CACNA1C: variants seen among roughly 807,000 people sequenced by gnomAD.
CACNA1C encodes calcium voltage-gated channel subunit alpha1 C, also known as voltage-dependent L-type calcium channel subunit alpha-1C.
Under a neutral mutation model 229.0 loss-of-function variants are expected in CACNA1C, and 30 were observed. The ratio of observed to expected loss-of-function variants is 0.13; its 90% CI spans 0.10 to 0.18. The LOEUF (loss-of-function observed/expected upper bound fraction) is 0.18, where lower values mean the gene tolerates loss of function less well. Among genes scored for constraint, CACNA1C ranks in the 10% least tolerant of loss-of-function variants. The pLI is 1.00. For synonymous variants in CACNA1C, 1,114 were observed against 1,132.5 expected, an observed-to-expected ratio of 0.98 and a Z score of 0.33; for missense variants, 1,658 against 2,845.0, an observed-to-expected ratio of 0.58 and a Z score of 9.49.
At chr12:2,669,419 CGCATGTGGCCCATGGGCT>C (rs1483828905) in intron 38 of CACNA1C, among the ~76,000 whole-genome samples, 2 of 152,156 alleles carry the variant, frequency 1.3e-5, no homozygotes, top group East Asian at 1.9e-4. Flanking sequence ...CGTCCTGGGC[CGCATGTGGCCCATGGGCT>C]GCAGGTTAGA....
At chr12:2,581,877 C>A in intron 14 of CACNA1C, 80 bp downstream of exon 14, 1 of 870,016 alleles carries the variant, frequency 1.1e-6, no homozygotes, top group Non-Finnish European at 1.9e-6. Flanking sequence ...GAAGCTGCAC[C>A]CTTTTACCGG....
chr12:2,128,468 T>C (rs544904430), intron 3 of CACNA1C, among the ~76,000 whole-genome samples: 1 of 152,258 alleles, frequency 6.6e-6, no homozygotes, highest in South Asian at 2.1e-4. Flanking sequence ...TGGAGTGCAG[T>C]GGCGCGATCT....
chr12:1,973,839 T>C (rs926704592), intron 1 of CACNA1C, among the ~76,000 whole-genome samples: 1 of 152,198 alleles, frequency 6.6e-6, no homozygotes, highest in Non-Finnish European at 1.5e-5. Context: ...GTTCATAATC[T>C]TGCTGAAAAA....
intron 1 of CACNA1C, among the ~76,000 whole-genome samples, chr12:2,060,124 C>T (rs999576279): frequency 5.3e-5 from 8 of 152,216 alleles, no homozygotes; most frequent in African/African-American, 1.9e-4. Context: ...GCAAACAGAT[C>T]TGCCTCTAAG....
upstream of CACNA1C, chr12:2,052,957 G>T (rs898355311): frequency 1.1e-4 from 108 of 979,018 alleles, no homozygotes; most frequent in East Asian, 1.1e-3. Flanking sequence ...GGGCCGGGGG[G>T]AGTGAGCGCG....
chr12:2,322,639 C>G (rs947357435), intron 3 of CACNA1C, among the ~76,000 whole-genome samples: 2 of 152,224 alleles, frequency 1.3e-5, no homozygotes, highest in African/African-American at 4.8e-5. Flanking sequence ...GGTGTTCCTC[C>G]CCCTTGCCTC....
chr12:2,311,370 C>G (rs1032149929), intron 3 of CACNA1C, among the ~76,000 whole-genome samples: 1 of 152,190 alleles, frequency 6.6e-6, no homozygotes, highest in African/African-American at 2.4e-5. Flanking sequence ...GCCCTGTATT[C>G]TCTAAGGCCT....
intron 1 of CACNA1C, among the ~76,000 whole-genome samples, chr12:2,070,572 T>C (rs1313485922): frequency 6.6e-6 from 1 of 152,242 alleles, no homozygotes; most frequent in African/African-American, 2.4e-5. Context: ...TTAGCAGTTA[T>C]CTTTCTTCAG....
At chr12:2,387,538 AAAG>A in intron 3 of CACNA1C, among the ~76,000 whole-genome samples, 2 of 147,160 alleles carry the variant, frequency 1.4e-5, no homozygotes, top group Non-Finnish European at 3.0e-5. Context: ...ACTAAGAGCG[AAAG>A]AAAGAAAGAA....
intron 26 of CACNA1C, chr12:2,607,445 G>A (rs2075850483): frequency 4.0e-6 from 1 of 252,986 alleles, no homozygotes; most frequent in East Asian, 8.2e-5. Flanking sequence ...GGAGTTGGGT[G>A]TGGGGAGAGC....
At chr12:2,436,570 C>A (rs922308433) in intron 3 of CACNA1C, among the ~76,000 whole-genome samples, 3 of 152,176 alleles carry the variant, frequency 2.0e-5, no homozygotes, top group African/African-American at 7.2e-5. Context: ...GCATCTCCCA[C>A]ACAGGCTGGG....
intron 29 of CACNA1C, among the ~76,000 whole-genome samples, chr12:2,629,388 A>G (rs954107096): frequency 6.6e-6 from 1 of 152,210 alleles, no homozygotes; most frequent in Admixed American, 6.5e-5. Flanking sequence ...GCCAGGAAGT[A>G]CCACTGGACC....
chr12:2,241,690 A>G (rs1030659422), intron 3 of CACNA1C, among the ~76,000 whole-genome samples: 9 of 152,030 alleles, frequency 5.9e-5, no homozygotes, highest in Admixed American at 1.3e-4. Flanking sequence ...AGCTCTGCCT[A>G]TTGTCCTCCG....
chr12:2,474,452 TC>T (rs552355023), intron 5 of CACNA1C, among the ~76,000 whole-genome samples: 339 of 152,242 alleles, frequency 2.2e-3, no homozygotes, highest in African/African-American at 7.7e-3. Context: ...AGGTAGTTTC[TC>T]CCATAAGAAG....
intron 3 of CACNA1C, among the ~76,000 whole-genome samples, chr12:2,271,066 T>C (rs11615807): frequency 0.057 from 8,635 of 152,256 alleles, 309 homozygotes; most frequent in African/African-American, 0.091. Flanking sequence ...CTCTTCCTCT[T>C]CTGAGTCCCA....
At chr12:2,195,820 C>T (rs970449055) in intron 3 of CACNA1C, among the ~76,000 whole-genome samples, 10 of 152,292 alleles carry the variant, frequency 6.6e-5, no homozygotes, top group Admixed American at 6.5e-5. Flanking sequence ...ACTCAGAATT[C>T]GTATGTCAGA....
In CACNA1C at chr12:2,689,746, A is replaced by C. The variant is rs2097713673; in HGVS notation, c.6117+967A>C. ...GCATTCATTTCACAGACCTTCCCTG[A>C]GCGCCTACCATGTGCAGGCCCTGTT... On this transcript the variant is annotated intron_variant, in intron 46 of 46. Coordinates refer to ENST00000399655, the MANE Select transcript of CACNA1C (RefSeq NM_000719.7). This position sits in a 1 kb window ranked among gnomAD's most constrained non-coding sequence, Gnocchi z 4.2. 6.6e-6 allele frequency: 1 copy of C among 152,156 alleles called. No homozygotes were observed. Among genetic ancestry groups the C allele is most frequent in the African/African-American group, 2.4e-5 (1 of 41,412 alleles). 9.4% of individuals were successfully genotyped at this position (152,156 alleles called of 1,614,324 possible). A position where few individuals can be genotyped will look rare whatever the true frequency, so the allele number is the denominator to read the frequency against.
chr12:2,598,299 G>A (rs945740000), intron 21 of CACNA1C, among the ~76,000 whole-genome samples: 10 of 152,200 alleles, frequency 6.6e-5, no homozygotes, highest in Admixed American at 5.9e-4. Context: ...GGGAACTGCT[G>A]CAACATTGCT....
At chr12:2,020,190 T>C (rs1384557477) in intron 1 of CACNA1C, 1 of 152,222 alleles carries the variant, frequency 6.6e-6, no homozygotes, top group African/African-American at 2.4e-5. Flanking sequence ...TAACTTTCAC[T>C]GAGGACTACT....
Sources: gnomAD v4.1 joint callset for allele counts (sites outside exome capture counted in the v4.1 genomes callset) on GRCh38, gnomAD v4.1.1 for gene constraint, Gnocchi (gnomAD v3.1) non-coding constraint, MANE v1.5 for transcripts, NCBI Gene and HGNC (gene_info 2026-07-23, HGNC 2026-07-21) for gene names.